MYO5C: variants seen among roughly 807,000 people sequenced by gnomAD.
MYO5C encodes the protein unconventional myosin-Vc.
Under a neutral mutation model 235.7 loss-of-function variants are expected in MYO5C, and 194 were observed. The observed-to-expected ratio is 0.82, with a 90% confidence interval of 0.73 to 0.93. The LOEUF (loss-of-function observed/expected upper bound fraction) is 0.93. Among genes scored for constraint, MYO5C ranks in the 40% least tolerant of loss-of-function variants. The pLI is 0.00. For missense variants in MYO5C, 2,038 were observed against 2,127.2 expected, an observed-to-expected ratio of 0.96 and a Z score of 0.82; for synonymous variants, 707 against 754.8, an observed-to-expected ratio of 0.94 and a Z score of 1.04.
intron 2 of MYO5C, among the ~76,000 whole-genome samples, chr15:52,279,919 T>TC (rs1273688296): frequency 1.3e-5 from 2 of 152,056 alleles, no homozygotes; most frequent in African/African-American, 4.8e-5. Flanking sequence ...GGGCCTCACT[T>TC]CTCTCATCTG....
chr15:52,241,751 T>TGTGTGTGA (rs377285178), intron 20 of MYO5C, among the ~76,000 whole-genome samples: 13 of 150,150 alleles, frequency 8.7e-5, no homozygotes, highest in African/African-American at 3.2e-4. Flanking sequence ...TGTGTGTGTG[T>TGTGTGTGA]GAGAGAGAGA....
rs1301843873 is a variant in MYO5C, at chr15:52,225,137, T to C, written c.3303A>G (p.Glu1101=). The C allele has an allele frequency of 6.2e-7, 1 of 1,614,030 alleles. No homozygotes were observed. Among genetic ancestry groups the C allele is most frequent in the Non-Finnish European group, 8.5e-7 (1 of 1,179,980 alleles). ...HVQSQKREMR[E]KMSEITKQLL... ...GTTGTTTGGTGATCTCTGACATCTT[T>C]TCTGAAAGGGAAAGGCAGAGTTGTA... is the stretch of plus-strand genomic sequence containing the variant. Residue 1101 remains glutamate, a splice_region_variant and synonymous_variant, in exon 27 of 41, where the codon GAA becomes GAG. Coordinates refer to ENST00000261839, the MANE Select transcript of MYO5C (RefSeq NM_018728.4).
rs763859639 is a variant in MYO5C, at chr15:52,295,625, G to C, written c.12C>G (p.Ala4=). Residue 4 remains alanine, a synonymous_variant, in exon 1 of 41, where the codon GCC becomes GCG. Coordinates refer to ENST00000261839, the MANE Select transcript of MYO5C (RefSeq NM_018728.4). MAV[A]ELYTQYNRVW... ...ACCCTCCTACCTGCGTGTACAGCTC[G>C]GCCACCGCCATGGGCAGGAGGGGCC... 119 of 1,485,726 alleles carry C rather than the reference G, an allele frequency of 8.0e-5. No individual in the cohort carries two copies. In the South Asian group the frequency reaches 9.2e-4, roughly 11 times the overall value. 92.0% of individuals were successfully genotyped at this position (1,485,726 alleles called of 1,614,324 possible). A position where few individuals can be genotyped will look rare whatever the true frequency, so the allele number is the denominator to read the frequency against.
chr15:52,263,922 C>G (rs556902519), intron 9 of MYO5C, among the ~76,000 whole-genome samples: 1 of 152,110 alleles, frequency 6.6e-6, no homozygotes, highest in Admixed American at 6.5e-5. Context: ...TATGACAGTC[C>G]GTGGCACTTA....
chr15:52,238,315 T>G (rs779214024), intron 21 of MYO5C, among the ~76,000 whole-genome samples: 8 of 152,192 alleles, frequency 5.3e-5, no homozygotes. Context: ...TCAGGCAGCG[T>G]TGGGACTCCC....
At chr15:52,288,694 T>C (rs984708443) in intron 1 of MYO5C, among the ~76,000 whole-genome samples, 1 of 152,174 alleles carries the variant, frequency 6.6e-6, no homozygotes, top group Non-Finnish European at 1.5e-5. Context: ...ATGCAAACAA[T>C]GTAACCAGCT....
intron 36 of MYO5C, 79 bp downstream of exon 36, chr15:52,208,475 G>A (rs62016466): frequency 0.052 from 67,212 of 1,287,878 alleles, 2,046 homozygotes; most frequent in Middle Eastern, 0.07. Flanking sequence ...GAGGATAGAG[G>A]CTCTATTGAG....
intron 30 of MYO5C, among the ~76,000 whole-genome samples, chr15:52,220,818 C>CAGT (rs1158426339): frequency 1.4e-5 from 2 of 142,332 alleles, no homozygotes; most frequent in Non-Finnish European, 3.0e-5. Flanking sequence ...GGGCGAAACT[C>CAGT]AGTCTCAAAA....
At chr15:52,285,730 C>T (rs879799491) in intron 1 of MYO5C, among the ~76,000 whole-genome samples, 1 of 152,268 alleles carries the variant, frequency 6.6e-6, no homozygotes, top group Non-Finnish European at 1.5e-5. Context: ...CTCGGCTTCC[C>T]GAGTTGCTGG....
intron 5 of MYO5C, among the ~76,000 whole-genome samples, chr15:52,273,666 C>A (rs1300316755): frequency 6.6e-6 from 1 of 152,136 alleles, no homozygotes; most frequent in East Asian, 1.9e-4. Flanking sequence ...TGCTAGCCCC[C>A]TGATCTTGGA....
chr15:52,263,508 G>GCC (rs2140830232), intron 9 of MYO5C, among the ~76,000 whole-genome samples: 1 of 152,230 alleles, frequency 6.6e-6, no homozygotes, highest in African/African-American at 2.4e-5. Flanking sequence ...ACTACCCAGT[G>GCC]CCCTTAAGGT....
intron 4 of MYO5C, among the ~76,000 whole-genome samples, chr15:52,276,700 A>G (rs1484431858): frequency 6.6e-6 from 1 of 152,214 alleles, no homozygotes; most frequent in East Asian, 1.9e-4. Context: ...ACTTAAATAT[A>G]AAAACATTTC....
chr15:52,235,781 G>A lies in MYO5C; in HGVS notation c.2869-18C>T. 2 of 1,575,752 alleles carry A rather than the reference G, an allele frequency of 1.3e-6. No homozygotes were observed. The highest frequency in any genetic ancestry group is 1.7e-6 in the Non-Finnish European group (2 of 1,156,032). Reference sequence around the variant, plus strand: ...GCCAATTTCTAGCAGAGGGAAGGGGGAAAAACAAACTTTTTTGAAAACCTC... The same window carrying A: ...GCCAATTTCTAGCAGAGGGAAGGGGAAAAAACAAACTTTTTTGAAAACCTC... On this transcript the variant is annotated intron_variant, in intron 22 of 40. Transcript: ENST00000261839.
rs111257980 is a variant in MYO5C, at chr15:52,206,113, A to G, written c.4387-147T>C. ...ATGCTTGGGGTAGCATGTACCTTCT[A>G]TAAGAAAAAAATTGCACTGATTTCC... is the stretch of plus-strand genomic sequence containing the variant. On this transcript the variant is annotated intron_variant, in intron 36 of 40. Coordinates refer to ENST00000261839, the MANE Select transcript of MYO5C (RefSeq NM_018728.4). 79 of 498,472 alleles carry G rather than the reference A, an allele frequency of 1.6e-4. 2 individuals carry two copies. Among genetic ancestry groups the G allele is most frequent in the African/African-American group, 1.1e-3 (55 of 51,234 alleles). 30.9% of individuals were successfully genotyped at this position (498,472 alleles called of 1,614,324 possible).
intron 5 of MYO5C, among the ~76,000 whole-genome samples, chr15:52,274,072 G>A (rs1270612813): frequency 6.6e-6 from 1 of 151,880 alleles, no homozygotes; most frequent in Admixed American, 6.6e-5. Flanking sequence ...ACCCTCTCCT[G>A]AGCACCCTGT....
intron 20 of MYO5C, among the ~76,000 whole-genome samples, chr15:52,241,169 G>C (rs1268070728): frequency 1.3e-5 from 2 of 149,926 alleles, no homozygotes; most frequent in African/African-American, 4.9e-5. Flanking sequence ...CTTTGAATTC[G>C]TTTCTTTGGA....
At chr15:52,271,285 G>A (rs960722345) in intron 7 of MYO5C, among the ~76,000 whole-genome samples, 3 of 151,676 alleles carry the variant, frequency 2.0e-5, no homozygotes, top group African/African-American at 7.3e-5. Flanking sequence ...CTGGAGTGCA[G>A]TGGCGTGATC....
chr15:52,193,680 T>G lies in MYO5C; in HGVS notation c.*222A>C, dbSNP rs2034984446. The G allele has an allele frequency of 2.0e-6, 1 of 495,208 alleles. No individual in the cohort carries two copies. The allele number at this position is 495,208 out of a possible 1,614,324, so 30.7% of individuals were successfully genotyped here. ...GTGAAAACCAGCTGAGATTCGAGAGTGAGACATGGCTTTTCCAAATACAGC... is the reference window on the plus strand; with the variant it reads ...GTGAAAACCAGCTGAGATTCGAGAGGGAGACATGGCTTTTCCAAATACAGC... On this transcript the variant is annotated 3_prime_UTR_variant, in exon 41 of 41. Coordinates refer to ENST00000261839, the MANE Select transcript of MYO5C (RefSeq NM_018728.4).
At chr15:52,213,045 T>A in intron 34 of MYO5C, 143 bp downstream of exon 34, 1 of 627,862 alleles carries the variant, frequency 1.6e-6, no homozygotes, top group Non-Finnish European at 2.9e-6. Flanking sequence ...TCAACAGTGC[T>A]GAGGTTGAGA....
Sources: allele counts gnomAD v4.1 joint callset (sites outside exome capture counted in the v4.1 genomes callset), GRCh38; gene constraint gnomAD v4.1.1; transcripts MANE v1.5; gene names NCBI Gene and HGNC (gene_info 2026-07-23, HGNC 2026-07-21).